The following PTPRD variants were observed in gnomAD, a reference collection of about 807,000 sequenced individuals.
PTPRD encodes the protein protein tyrosine phosphatase receptor type D.
Under a neutral mutation model 214.5 loss-of-function variants are expected in PTPRD, and 34 were observed. The ratio of observed to expected loss-of-function variants is 0.16; its 90% CI spans 0.12 to 0.21. PTPRD has a LOEUF of 0.21. PTPRD is among the 10% of genes least tolerant of loss of function. The pLI, the probability that PTPRD is intolerant of heterozygous loss-of-function variation, is 1.00. For synonymous variants in PTPRD, 1,128 were observed against 845.7 expected, an observed-to-expected ratio of 1.33 and a Z score of -5.79; for missense variants, 2,545 against 2,398.7, an observed-to-expected ratio of 1.06 and a Z score of -1.27.
At chr9:9,826,931 G>A (rs1348975289) in intron 5 of PTPRD, among the ~76,000 whole-genome samples, 1 of 151,952 alleles carries the variant, frequency 6.6e-6, no homozygotes, top group East Asian at 1.9e-4. Flanking sequence ...AAATATCTAG[G>A]AATCCAACTT....
chr9:10,327,755 C>A (rs766869359), intron 3 of PTPRD, among the ~76,000 whole-genome samples: 7 of 151,680 alleles, frequency 4.6e-5, no homozygotes, highest in Admixed American at 1.3e-4. Context: ...AAAGTGAATA[C>A]TCATTTTCCA....
chr9:9,809,076 G>A (rs557291252), intron 5 of PTPRD, among the ~76,000 whole-genome samples: 47 of 151,692 alleles, frequency 3.1e-4, no homozygotes, highest in Admixed American at 8.5e-4. Flanking sequence ...AGAAGCCTCC[G>A]TGCCTAGCCT....
intron 8 of PTPRD, among the ~76,000 whole-genome samples, chr9:9,501,641 A>G (rs1260513105): frequency 6.6e-6 from 1 of 151,960 alleles, no homozygotes; most frequent in African/African-American, 2.4e-5. Flanking sequence ...AATATTTACT[A>G]AAATAGACTA....
At chr9:10,583,231 T>A (rs935745010) in intron 2 of PTPRD, among the ~76,000 whole-genome samples, 2 of 152,106 alleles carry the variant, frequency 1.3e-5, no homozygotes, top group African/African-American at 4.8e-5. Context: ...CACGAGGAGT[T>A]GGGTCAGCAG....
intron 7 of PTPRD, among the ~76,000 whole-genome samples, chr9:9,725,439 C>T (rs573596755): frequency 6.6e-6 from 1 of 152,046 alleles, no homozygotes; most frequent in Non-Finnish European, 1.5e-5. Context: ...TCTTTTTCTT[C>T]CTATTCTCAG....
At chr9:9,220,227 T>C (rs1470881245) in intron 9 of PTPRD, among the ~76,000 whole-genome samples, 2 of 152,060 alleles carry the variant, frequency 1.3e-5, no homozygotes, top group East Asian at 3.9e-4. Flanking sequence ...AAATAATTAT[T>C]GTACATGTTA....
chr9:9,543,635 C>A (rs1034574923), intron 8 of PTPRD, among the ~76,000 whole-genome samples: 1 of 151,352 alleles, frequency 6.6e-6, no homozygotes, highest in Non-Finnish European at 1.5e-5. Context: ...AATCTCAGAG[C>A]CCATTTTATG....
At chr9:8,739,803 G>C (rs1288253066) in intron 11 of PTPRD, among the ~76,000 whole-genome samples, 4 of 152,084 alleles carry the variant, frequency 2.6e-5, no homozygotes, top group African/African-American at 9.7e-5. Flanking sequence ...GAATTATAGG[G>C]GCAGGGCTTT....
chr9:10,036,465 A>G (rs2154137111), intron 3 of PTPRD, among the ~76,000 whole-genome samples: 1 of 151,764 alleles, frequency 6.6e-6, no homozygotes, highest in South Asian at 2.1e-4. Flanking sequence ...TCACTTAGAT[A>G]TCAAAACAAA....
At chr9:8,560,211 C>T (rs1438990446) in intron 14 of PTPRD, among the ~76,000 whole-genome samples, 1 of 151,874 alleles carries the variant, frequency 6.6e-6, no homozygotes, top group Non-Finnish European at 1.5e-5. Flanking sequence ...TCTCTCAATT[C>T]AAAAAATCAT....
chr9:10,310,313 G>A (rs1435616160), intron 3 of PTPRD, among the ~76,000 whole-genome samples: 1 of 151,850 alleles, frequency 6.6e-6, no homozygotes, highest in Non-Finnish European at 1.5e-5. Context: ...GAAATATCAA[G>A]GCAAAATATA....
rs1190782471 is a variant in PTPRD at position 8,373,803 on chromosome 9, ATTAT to A, written c.4661+2129_4661+2132del. Among the ~76,000 whole-genome samples the A allele has an allele frequency of 1.0e-4, 12 of 115,608 alleles. No homozygotes were observed. In the South Asian group the frequency reaches 3.3e-3, roughly 32 times the overall value. The allele number at this position is 115,608 out of a possible 152,430, so 75.8% of individuals were successfully genotyped here. A position where few individuals can be genotyped will look rare whatever the true frequency, so the allele number is the denominator to read the frequency against. ...ACAGAGGGTGAAATGCATTTTAAAA[ATTAT>A]GTATGTATGTATGTATGTATGTATG... is the stretch of plus-strand genomic sequence containing the variant. On this transcript the variant is annotated intron_variant, in intron 39 of 45. Transcript: ENST00000381196.
rs538143071 is a variant in PTPRD at position 9,806,187 on chromosome 9, C to T, written c.-367-39336G>A. The stretch of plus-strand genomic sequence containing the variant: ...AGCAAGGCAAGAGAGCTCCAATTCA[C>T]CCCCAGGAATGTCAGGCAACCATCA... On this transcript the variant is annotated intron_variant, in intron 5 of 45. Transcript: ENST00000381196. Among the ~76,000 whole-genome samples, 6 of 152,178 alleles carry T rather than the reference C, an allele frequency of 3.9e-5. No homozygotes were observed. In the South Asian group the frequency reaches 6.2e-4, roughly 16 times the overall value.
At chr9:8,643,207 A>C (rs532734185) in intron 12 of PTPRD, among the ~76,000 whole-genome samples, 2 of 152,332 alleles carry the variant, frequency 1.3e-5, no homozygotes, top group South Asian at 2.1e-4. Flanking sequence ...TAAAGAAATA[A>C]CTGCTCCTTG....
chr9:8,867,457 C>T (rs1418256421), intron 11 of PTPRD, among the ~76,000 whole-genome samples: 1 of 152,182 alleles, frequency 6.6e-6, no homozygotes, highest in African/African-American at 2.4e-5. Flanking sequence ...GAGAGACCTC[C>T]TGCTAGGTGA....
In PTPRD at chr9:10,349,581, T is replaced by A. The variant is rs182116563; in HGVS notation, c.-599-8564A>T. Among the ~76,000 whole-genome samples the A allele has an allele frequency of 4.5e-3, 679 of 152,278 alleles. 13 individuals are homozygous for A. Among genetic ancestry groups the A allele is most frequent in the Admixed American group, 0.038 (577 of 15,288 alleles). The stretch of plus-strand genomic sequence containing the variant: ...TCCCTCAGTATTTTTTAGAGTGTCA[T>A]TTGAATAGGTCTTTAAGTTAAAATT... On this transcript the variant is annotated intron_variant, in intron 2 of 45. Transcript: ENST00000381196.
In PTPRD at chr9:9,890,146, T is replaced by A. The variant is rs187200258; in HGVS notation, c.-368+48361A>T. Reference sequence around the variant, plus strand: ...CCTTTATATGACATTTCTGATTTTTTAAAATATCTCTTTACTCCTCACTAG... The same window carrying A: ...CCTTTATATGACATTTCTGATTTTTAAAAATATCTCTTTACTCCTCACTAG... On this transcript the variant is annotated intron_variant, in intron 5 of 45. Transcript: ENST00000381196. Among the ~76,000 whole-genome samples the A allele has an allele frequency of 6.6e-5, 10 of 152,188 alleles. No homozygotes were observed. In the East Asian group the frequency reaches 1.9e-3, roughly 29 times the overall value.
rs566400795 is a variant in PTPRD at position 9,066,795 on chromosome 9, T to C, written c.-142-48060A>G. The stretch of plus-strand genomic sequence containing the variant: ...TGGAAGATAAACGGGACGGGCTTTC[T>C]CGCAGAACTTTGCGAAGCAGTGTGA... On this transcript the variant is annotated intron_variant, in intron 10 of 45. Transcript: ENST00000381196. Among the ~76,000 whole-genome samples the C allele has an allele frequency of 2.6e-5, 4 of 152,368 alleles. No homozygotes were observed. The South Asian group carries it at 8.3e-4, about 32-fold the overall frequency.
chr9:9,156,659 C>T (rs1165645561), intron 10 of PTPRD, among the ~76,000 whole-genome samples: 1 of 152,068 alleles, frequency 6.6e-6, no homozygotes, highest in Non-Finnish European at 1.5e-5. Flanking sequence ...TTTTTGCTCA[C>T]ATCAAAATCA....
Sources: allele counts gnomAD v4.1 joint callset (sites outside exome capture counted in the v4.1 genomes callset), GRCh38; gene constraint gnomAD v4.1.1; transcripts MANE v1.5; gene names NCBI Gene and HGNC (gene_info 2026-07-23, HGNC 2026-07-21).